The following PCDH15 variants were observed in gnomAD, a reference collection of about 807,000 sequenced individuals.
The protein encoded by PCDH15 is protocadherin related 15, also known as protocadherin-15.
In PCDH15, 129 loss-of-function variants were observed where a neutral mutation model predicts 178.5. That is an observed-to-expected ratio of 0.72 (90% CI 0.63 to 0.84). The LOEUF is 0.84. PCDH15 is among the 40% of genes least tolerant of loss of function. The pLI, the probability that PCDH15 is intolerant of heterozygous loss-of-function variation, is 0.00. For missense variants in PCDH15, 2,230 were observed against 2,099.9 expected (o/e 1.06, Z -1.21); for synonymous variants, 800 against 732.0 (o/e 1.09, Z -1.50).
chr10:54,104,861 A>C lies in PCDH15; in HGVS notation c.1918-14798T>G, dbSNP rs932506372. On this transcript the variant is annotated intron_variant, in intron 15 of 37. Coordinates refer to ENST00000644397, the MANE Select transcript of PCDH15 (RefSeq NM_001384140.1). ...CAACAACAACAAAAAAAAAAAAAAAAAAAAAAAAGAATCCCTGAGTTCATC... is the reference window on the plus strand; with the variant it reads ...CAACAACAACAAAAAAAAAAAAAAACAAAAAAAAGAATCCCTGAGTTCATC... Among the ~76,000 whole-genome samples, 550 of 150,784 alleles carry C rather than the reference A, an allele frequency of 3.6e-3. 13 individuals carry two copies. The highest frequency in any genetic ancestry group is 0.013 in the African/African-American group (514 of 41,058).
chr10:55,295,957 C>A (rs1250247144), intron 1 of PCDH15, among the ~76,000 whole-genome samples: 2 of 152,170 alleles, frequency 1.3e-5, no homozygotes, highest in African/African-American at 2.4e-5. Context: ...CAGGTAGTCA[C>A]TTGCACTCTA....
intron 23 of PCDH15, among the ~76,000 whole-genome samples, chr10:53,958,978 C>CAA (rs71004497): frequency 7.0e-4 from 32 of 45,816 alleles, no homozygotes; most frequent in East Asian, 2.0e-3. Context: ...GACTCCATCT[C>CAA]AAAAAAAAAA....
At chr10:55,508,909 T>G (rs893358683) in intron 2 of PCDH15, among the ~76,000 whole-genome samples, 2 of 151,558 alleles carry the variant, frequency 1.3e-5, no homozygotes, top group African/African-American at 4.8e-5. Context: ...TAGCTGAATA[T>G]TACAAGTTCA....
chr10:54,330,467 A>G (rs1314998245), intron 6 of PCDH15, among the ~76,000 whole-genome samples: 4 of 151,980 alleles, frequency 2.6e-5, no homozygotes, highest in African/African-American at 9.7e-5. Flanking sequence ...TTATAATTTT[A>G]TGAGACCACC....
chr10:55,136,801 C>T (rs1838208360), intron 2 of PCDH15, among the ~76,000 whole-genome samples: 1 of 152,120 alleles, frequency 6.6e-6, no homozygotes, highest in East Asian at 1.9e-4. Context: ...AGTCATCTCT[C>T]TTGTCTTTAC....
At chr10:54,659,990 C>A (rs1461736083) in intron 2 of PCDH15, among the ~76,000 whole-genome samples, 3 of 151,928 alleles carry the variant, frequency 2.0e-5, no homozygotes, top group African/African-American at 7.2e-5. Context: ...ATAAAAATAT[C>A]TTAAATTAAT....
In PCDH15 at chr10:54,099,498, C is replaced by CAAAAAAA. The variant is rs755057091; in HGVS notation, c.1918-9442_1918-9436dup. On this transcript the variant is annotated intron_variant, in intron 15 of 37. Transcript: ENST00000644397. The stretch of plus-strand genomic sequence containing the variant: ...TCAGCGACAGAGCGAGACTCCATCT[C>CAAAAAAA]AAAAAAAAAAAAAAAATATATATAT... Among the ~76,000 whole-genome samples, 310 of 49,868 alleles carry CAAAAAAA rather than the reference C, an allele frequency of 6.2e-3. 31 individuals are homozygous for CAAAAAAA. The highest frequency in any genetic ancestry group is 8.2e-3 in the African/African-American group (69 of 8,380). The allele number at this position is 49,868 out of a possible 152,430, so 32.7% of individuals were successfully genotyped here. A position where few individuals can be genotyped will look rare whatever the true frequency, so the allele number is the denominator to read the frequency against.
At chr10:54,012,497 C>T (rs896539901) in intron 20 of PCDH15, among the ~76,000 whole-genome samples, 1 of 152,008 alleles carries the variant, frequency 6.6e-6, no homozygotes, top group East Asian at 1.9e-4. Flanking sequence ...ATCAGATTCT[C>T]TTTCATTCTT....
At chr10:55,198,885 C>T (rs2132156046) in intron 1 of PCDH15, among the ~76,000 whole-genome samples, 1 of 152,176 alleles carries the variant, frequency 6.6e-6, no homozygotes, top group Middle Eastern at 3.4e-3. Flanking sequence ...TTGCCTTCGC[C>T]ATGACTAAGT....
At chr10:54,365,150 C>T (rs925040568) in intron 5 of PCDH15, among the ~76,000 whole-genome samples, 3 of 152,188 alleles carry the variant, frequency 2.0e-5, no homozygotes, top group African/African-American at 7.2e-5. Context: ...ACCTTAATCG[C>T]ATCTGCAAAG....
intron 2 of PCDH15, among the ~76,000 whole-genome samples, chr10:55,582,627 TA>T (rs796307424): frequency 0.014 from 1,059 of 75,056 alleles, 12 homozygotes; most frequent in East Asian, 0.067. Flanking sequence ...TATATATATA[TA>T]TTTTTTTTTT....
chr10:54,560,170 A>G (rs1321687562), intron 2 of PCDH15, among the ~76,000 whole-genome samples: 1 of 152,084 alleles, frequency 6.6e-6, no homozygotes, highest in East Asian at 1.9e-4. Flanking sequence ...TTTTACATGA[A>G]TGGTCCTAAT....
At chr10:53,997,269 G>T (rs1292071730) in intron 20 of PCDH15, among the ~76,000 whole-genome samples, 3 of 152,126 alleles carry the variant, frequency 2.0e-5, no homozygotes, top group Non-Finnish European at 2.9e-5. Flanking sequence ...AGAAGTTTTA[G>T]TTCTCTATAA....
chr10:55,190,455 G>A (rs559460266), intron 1 of PCDH15, among the ~76,000 whole-genome samples: 2 of 151,564 alleles, frequency 1.3e-5, no homozygotes, highest in East Asian at 1.9e-4. Flanking sequence ...CAGTTTGAAC[G>A]GTATCTGACA....
rs184162059 is a variant in PCDH15, at chr10:54,297,208, T to C, written c.876+20063A>G. Among the ~76,000 whole-genome samples the C allele has an allele frequency of 1.1e-3, 171 of 152,208 alleles. 1 individual carries two copies. The highest frequency in any genetic ancestry group is 4.0e-3 in the African/African-American group (165 of 41,516). ...AAACAAAACCGCAGGTGGTTTTGTC[T>C]TTCAGATGGGAAACACTCAGGCATC... On this transcript the variant is annotated intron_variant, in intron 8 of 37. Coordinates refer to ENST00000644397, the MANE Select transcript of PCDH15 (RefSeq NM_001384140.1).
chr10:54,661,233 C>T (rs1454958683), intron 2 of PCDH15, among the ~76,000 whole-genome samples: 1 of 151,964 alleles, frequency 6.6e-6, no homozygotes, highest in Non-Finnish European at 1.5e-5. Context: ...AAATCAGTTT[C>T]ATTTACATAG....
intron 1 of PCDH15, among the ~76,000 whole-genome samples, chr10:55,266,460 C>T (rs1365981472): frequency 6.6e-6 from 1 of 152,174 alleles, no homozygotes; most frequent in African/African-American, 2.4e-5. Flanking sequence ...TAGAGAAAGG[C>T]AGGTCCCTCG....
At chr10:54,919,500 T>C (rs528851346) in intron 2 of PCDH15, among the ~76,000 whole-genome samples, 1 of 152,308 alleles carries the variant, frequency 6.6e-6, no homozygotes, top group East Asian at 1.9e-4. Context: ...CCCCAAAATA[T>C]AAAGCCACAC....
At chr10:54,834,847 T>C (rs1953288168) in intron 3 of PCDH15, among the ~76,000 whole-genome samples, 1 of 152,202 alleles carries the variant, frequency 6.6e-6, no homozygotes, top group Admixed American at 6.5e-5. Flanking sequence ...TTTCTAAAAG[T>C]GTCTGCCTTT....
Sources: allele counts gnomAD v4.1 joint callset (sites outside exome capture counted in the v4.1 genomes callset), GRCh38; gene constraint gnomAD v4.1.1; transcripts MANE v1.5; gene names NCBI Gene and HGNC (gene_info 2026-07-23, HGNC 2026-07-21).